The following MAP3K20 variants were observed in gnomAD, a reference collection of about 807,000 sequenced individuals.
MAP3K20 encodes the protein HCCS-4.
A neutral mutation model predicts 85.7 loss-of-function variants in MAP3K20; 40 were observed. The ratio of observed to expected loss-of-function variants is 0.47; its 90% CI spans 0.36 to 0.61. The LOEUF (loss-of-function observed/expected upper bound fraction) is 0.61. Among genes scored for constraint, MAP3K20 ranks in the 20% least tolerant of loss-of-function variants. The pLI is 0.00. For synonymous variants in MAP3K20, 325 were observed against 327.7 expected (o/e 0.99, Z 0.09); for missense variants, 817 against 961.7 (o/e 0.85, Z 1.99).
chr2:173,131,082 G>T (rs1688605959), intron 2 of MAP3K20, among the ~76,000 whole-genome samples: 1 of 152,146 alleles, frequency 6.6e-6, no homozygotes, highest in Non-Finnish European at 1.5e-5. Context: ...AAAACCCTTG[G>T]CTGTGTCTGC....
intron 16 of MAP3K20, among the ~76,000 whole-genome samples, chr2:173,253,466 G>A (rs1685087769): frequency 6.6e-6 from 1 of 152,106 alleles, no homozygotes; most frequent in Non-Finnish European, 1.5e-5. Flanking sequence ...CTTTAAACTT[G>A]TGATCTTGCC....
At chr2:173,178,754 A>G (rs1311407491) in intron 3 of MAP3K20, among the ~76,000 whole-genome samples, 1 of 152,248 alleles carries the variant, frequency 6.6e-6, no homozygotes, top group Non-Finnish European at 1.5e-5. Context: ...AGATAACATC[A>G]ATTCTTCCCA....
upstream of MAP3K20, chr2:173,075,641 C>G (rs1686824344): frequency 1.4e-6 from 1 of 711,418 alleles, no homozygotes; most frequent in South Asian, 6.3e-5. Context: ...GGGGGAACAC[C>G]CCCACGGCCC....
chr2:173,103,047 C>T (rs960452495), intron 2 of MAP3K20, among the ~76,000 whole-genome samples: 1 of 152,040 alleles, frequency 6.6e-6, no homozygotes, highest in South Asian at 2.1e-4. Context: ...GAGCAAAACT[C>T]CATCTCAAAA....
rs1171909069 is a variant in MAP3K20, at chr2:173,248,296, G to C, written c.1359+8800G>C. 5.3e-5 allele frequency among the ~76,000 whole-genome samples: 8 copies of C among 152,252 alleles called. No individual in the cohort carries two copies. The East Asian group carries it at 1.5e-3, about 29-fold the overall frequency. ...ATGGAAAAAAATATACTAGTTGGGA[G>C]GGTAGGGTTGAGCCCCGTCCCTACC... On this transcript the variant is annotated intron_variant, in intron 16 of 19. Transcript: ENST00000375213.
intron 1 of MAP3K20, among the ~76,000 whole-genome samples, chr2:173,079,753 G>C: frequency 6.6e-6 from 1 of 152,044 alleles, no homozygotes; most frequent in Non-Finnish European, 1.5e-5. Flanking sequence ...CAATATCACT[G>C]TTTTCTACCT....
At chr2:173,220,220 G>A (rs949480066) in intron 11 of MAP3K20, among the ~76,000 whole-genome samples, 1 of 152,100 alleles carries the variant, frequency 6.6e-6, no homozygotes, top group African/African-American at 2.4e-5. Context: ...AAAAGAAGAG[G>A]CAGTAACATT....
intron 3 of MAP3K20, among the ~76,000 whole-genome samples, chr2:173,174,770 T>C (rs957730249): frequency 3.3e-5 from 5 of 152,172 alleles, no homozygotes; most frequent in African/African-American, 1.2e-4. Context: ...TCATCATCAT[T>C]AGAATGACTT....
At chr2:173,213,948 T>G (rs1237154483) in intron 10 of MAP3K20, among the ~76,000 whole-genome samples, 1 of 152,148 alleles carries the variant, frequency 6.6e-6, no homozygotes. Flanking sequence ...CCAACTTTTA[T>G]CTAGTGTCTG....
At chr2:173,148,191 C>G (rs2106223280) in intron 2 of MAP3K20, among the ~76,000 whole-genome samples, 1 of 152,316 alleles carries the variant, frequency 6.6e-6, no homozygotes, top group Non-Finnish European at 1.5e-5. Context: ...TCCCCCCTCA[C>G]ACCAGTTCTC....
At chr2:173,123,534 C>T (rs1559240844) in intron 2 of MAP3K20, among the ~76,000 whole-genome samples, 1 of 152,152 alleles carries the variant, frequency 6.6e-6, no homozygotes, top group Non-Finnish European at 1.5e-5. Context: ...GGCTACTCAG[C>T]AAAAGTTTTC....
At chr2:173,244,885 G>A (rs1279346090) in intron 16 of MAP3K20, among the ~76,000 whole-genome samples, 2 of 152,156 alleles carry the variant, frequency 1.3e-5, no homozygotes, top group Non-Finnish European at 2.9e-5. Flanking sequence ...GAAAGGTGAA[G>A]CCTTTAAGTC....
At chr2:173,076,076 T>G in intron 1 of MAP3K20, 74 bp downstream of exon 1, 2 of 948,058 alleles carry the variant, frequency 2.1e-6, no homozygotes, top group South Asian at 4.9e-5. Context: ...GAGTCGTCCC[T>G]GCGTCTCGGG....
intron 3 of MAP3K20, among the ~76,000 whole-genome samples, chr2:173,179,741 A>ACAC (rs1690271318): frequency 1.6e-5 from 2 of 126,682 alleles, no homozygotes; most frequent in Admixed American, 1.6e-4. Flanking sequence ...CACACACACA[A>ACAC]AAGCTACTAA....
chr2:173,164,046 G>A (rs554396573), intron 2 of MAP3K20, among the ~76,000 whole-genome samples: 10 of 151,290 alleles, frequency 6.6e-5, no homozygotes, highest in South Asian at 2.1e-4. Context: ...TGCAACCTCC[G>A]CCTCCCAGGT....
chr2:173,170,361 T>A (rs16861295), intron 3 of MAP3K20, among the ~76,000 whole-genome samples: 10,291 of 152,286 alleles, frequency 0.068, 1,069 homozygotes, highest in East Asian at 0.57. Context: ...AAGTTGGTAA[T>A]GACCTTGATC....
chr2:173,085,167 C>G (rs1282323896), intron 1 of MAP3K20, among the ~76,000 whole-genome samples: 4 of 152,152 alleles, frequency 2.6e-5, no homozygotes, highest in Non-Finnish European at 5.9e-5. Flanking sequence ...AGAGTTCAAA[C>G]TCCTATCAAT....
At chr2:173,213,178 T>G (rs1271833407) in intron 10 of MAP3K20, among the ~76,000 whole-genome samples, 2 of 152,334 alleles carry the variant, frequency 1.3e-5, no homozygotes, top group East Asian at 3.9e-4. Flanking sequence ...TCTTCCACAT[T>G]AAACATGGAC....
intron 18 of MAP3K20, 24 bp from the exon 19 acceptor site, chr2:173,263,721 T>G (rs369888690): frequency 1.3e-6 from 2 of 1,598,546 alleles, no homozygotes; most frequent in Non-Finnish European, 1.7e-6. Context: ...TTTTTTTGTC[T>G]TTTTCGTTTG....
Sources: allele counts gnomAD v4.1 joint callset (sites outside exome capture counted in the v4.1 genomes callset), GRCh38; gene constraint gnomAD v4.1.1; transcripts MANE v1.5; gene names NCBI Gene and HGNC (gene_info 2026-07-23, HGNC 2026-07-21).